The following FH variants were observed in gnomAD, a reference collection of about 807,000 sequenced individuals.
The protein encoded by FH is fumarate hydratase, also known as fumarate hydratase, mitochondrial.
A neutral mutation model predicts 49.4 loss-of-function variants in FH; 22 were observed. The observed-to-expected ratio is 0.45, with a 90% confidence interval of 0.32 to 0.64. The LOEUF is 0.64. Among genes scored for constraint, FH ranks in the 30% least tolerant of loss-of-function variants. FH has a pLI of 0.05. For missense variants in FH, 526 were observed against 641.5 expected, an observed-to-expected ratio of 0.82 and a Z score of 1.95; for synonymous variants, 208 against 223.0, an observed-to-expected ratio of 0.93 and a Z score of 0.60.
At chr1:241,506,394 C>T (rs1475300100) in intron 5 of FH, among the ~76,000 whole-genome samples, 2 of 152,084 alleles carry the variant, frequency 1.3e-5, no homozygotes, top group African/African-American at 4.8e-5. Context: ...AACATGCAGC[C>T]TATTTATTAT....
chr1:241,505,101 G>A (rs1573881072), intron 6 of FH, among the ~76,000 whole-genome samples: 1 of 151,758 alleles, frequency 6.6e-6, no homozygotes, highest in Non-Finnish European at 1.5e-5. Flanking sequence ...ACTAGAGACA[G>A]GGTTTCGCCA....
intron 6 of FH, 61 bp from the exon 7 acceptor site, chr1:241,504,306 T>A: frequency 6.8e-7 from 1 of 1,480,662 alleles, no homozygotes; most frequent in South Asian, 1.2e-5. Flanking sequence ...TTTTCTACCA[T>A]TAGCAAGTGA....
intron 4 of FH, among the ~76,000 whole-genome samples, chr1:241,510,207 C>T (rs949861335): frequency 1.1e-4 from 17 of 152,154 alleles, no homozygotes; most frequent in Non-Finnish European, 1.2e-4. Context: ...TTCTAAATAT[C>T]ATTTTCCAAT....
chr1:241,508,022 A>G (rs908554398), intron 5 of FH, among the ~76,000 whole-genome samples: 1 of 152,226 alleles, frequency 6.6e-6, no homozygotes, highest in Non-Finnish European at 1.5e-5. Flanking sequence ...AGAAGAGAGT[A>G]GTATCTCCTT....
At chr1:241,505,746 A>G (rs555379810) in intron 6 of FH, among the ~76,000 whole-genome samples, 1 of 152,244 alleles carries the variant, frequency 6.6e-6, no homozygotes, top group Non-Finnish European at 1.5e-5. Flanking sequence ...AGGGAAATTA[A>G]TTGAAAACTA....
At chr1:241,504,544 C>A (rs1659865544) in intron 6 of FH, among the ~76,000 whole-genome samples, 1 of 152,064 alleles carries the variant, frequency 6.6e-6, no homozygotes, top group Non-Finnish European at 1.5e-5. Context: ...ATGGCTCAGG[C>A]AATCCTCCCA....
At position 241,512,186 on chromosome 1, in the gene FH, A is replaced by T. The variant is rs1185450533; in HGVS notation, c.379-43T>A. 5 of 1,551,776 alleles carry T rather than the reference A, an allele frequency of 3.2e-6. No individual in the cohort carries two copies. The South Asian group carries it at 4.5e-5, about 14-fold the overall frequency. ...AAAATGTATTTTAAAAAAGGAAATA[A>T]TAATGCTGATTATGCCACAGAGTTT... is the stretch of plus-strand genomic sequence containing the variant. On this transcript the variant is annotated intron_variant, in intron 3 of 9. Transcript: ENST00000366560.
chr1:241,505,069 C>T (rs1297504675), intron 6 of FH, among the ~76,000 whole-genome samples: 7 of 151,618 alleles, frequency 4.6e-5, no homozygotes, highest in Admixed American at 2.6e-4. Context: ...CCACCATGCC[C>T]GGCTAATTTT....
chr1:241,512,684 T>C (rs144708771), intron 3 of FH, among the ~76,000 whole-genome samples: 539 of 152,300 alleles, frequency 3.5e-3, no homozygotes, highest in African/African-American at 0.012. Context: ...TTAACAATCT[T>C]CTGGAATGAT....
At chr1:241,513,539 T>C in intron 3 of FH, 64 bp downstream of exon 3, 1 of 1,174,838 alleles carries the variant, frequency 8.5e-7, no homozygotes, top group Admixed American at 1.7e-5. Context: ...TGCCAGAGCA[T>C]ATCGTCATCC....
chr1:241,517,222 G>C lies in FH; in HGVS notation c.227C>G (p.Thr76Arg). 1 of 1,614,020 alleles carries C rather than the reference G, an allele frequency of 6.2e-7. No individual in the cohort carries two copies. Among genetic ancestry groups the C allele is most frequent in the Non-Finnish European group, 8.5e-7 (1 of 1,180,010 alleles). ...KYYGAQTVRS[T>R]MNFKIGGVTE... The stretch of plus-strand genomic sequence containing the variant: ...CACACCTCCAATCTTAAAGTTCATC[G>C]TAGATCTCACGGTCTGGGCGCCATA... The change falls in exon 2 of 10, where the codon ACG becomes AGG. Residue 76 changes from threonine to arginine, a missense_variant. By Grantham distance (71) the Thr-to-Arg change is moderately conservative. Coordinates refer to ENST00000366560, the MANE Select transcript of FH (RefSeq NM_000143.4).
intron 9 of FH, 112 bp from the exon 10 acceptor site, chr1:241,498,082 T>C: frequency 1.0e-6 from 1 of 997,456 alleles, no homozygotes; most frequent in Non-Finnish European, 1.6e-6. Context: ...GCCTCTTAAA[T>C]GACATTTTTT....
At chr1:241,498,694 C>CATACATATATATATAT (rs1659686033) in intron 9 of FH, among the ~76,000 whole-genome samples, 1 of 53,166 alleles carries the variant, frequency 1.9e-5, no homozygotes, top group Non-Finnish European at 3.6e-5. Flanking sequence ...GCTGTCTTAA[C>CATACATATATATATAT]ATATATATAT....
intron 5 of FH, 67 bp from the exon 6 acceptor site, chr1:241,506,235 C>A (rs1250953060): frequency 2.5e-6 from 3 of 1,209,102 alleles, no homozygotes; most frequent in Non-Finnish European, 3.5e-6. Context: ...ACTCTAACTG[C>A]ATTAAATAGA....
Position 241,502,648 on chromosome 1 carries a change from C to G in FH, c.1109-78G>C. On this transcript the variant is annotated intron_variant, in intron 7 of 9. Coordinates refer to ENST00000366560, the MANE Select transcript of FH (RefSeq NM_000143.4). ...AGGAGAATAAAGAAATCTAATTTCA[C>G]TAAATAGAGTAAGATATACAATAAA... 2.0e-6 allele frequency: 3 copies of G among 1,494,948 alleles called. No homozygotes were observed. In the South Asian group the frequency reaches 3.4e-5, roughly 17 times the overall value. The allele number at this position is 1,494,948 out of a possible 1,614,324, so 92.6% of individuals were successfully genotyped here. A position where few individuals can be genotyped will look rare whatever the true frequency, so the allele number is the denominator to read the frequency against.
intron 1 of FH, among the ~76,000 whole-genome samples, chr1:241,517,864 TATTCTC>T (rs1660261927): frequency 6.6e-6 from 1 of 152,200 alleles, no homozygotes; most frequent in African/African-American, 2.4e-5. Context: ...GCCTGTTAAA[TATTCTC>T]ATTCTCAATG....
intron 4 of FH, 73 bp from the exon 5 acceptor site, chr1:241,508,858 T>G: frequency 7.4e-7 from 1 of 1,346,934 alleles, no homozygotes; most frequent in Non-Finnish European, 1.0e-6. Context: ...TGAATTAAAC[T>G]TCTCAATTAA....
chr1:241,508,495 A>C (rs1237470605), intron 5 of FH, 108 bp downstream of exon 5: 5 of 865,764 alleles, frequency 5.8e-6, no homozygotes, highest in African/African-American at 1.7e-5. Flanking sequence ...CTGTCACTGA[A>C]GTTTCCGGTT....
At chr1:241,515,722 A>G (rs754438707) in intron 2 of FH, among the ~76,000 whole-genome samples, 1 of 152,118 alleles carries the variant, frequency 6.6e-6, no homozygotes, top group African/African-American at 2.4e-5. Context: ...TGCATTGACT[A>G]TTTTTCATAC....
Sources: allele counts gnomAD v4.1 joint callset (sites outside exome capture counted in the v4.1 genomes callset), GRCh38; gene constraint gnomAD v4.1.1; transcripts MANE v1.5; gene names NCBI Gene and HGNC (gene_info 2026-07-23, HGNC 2026-07-21).